Variants in AKAP12 observed in about 807,000 individuals in gnomAD.
AKAP12 encodes A-kinase anchoring protein 12, also known as A-kinase anchor protein 12.
In AKAP12, 32 loss-of-function variants were observed where a neutral mutation model predicts 79.9. That is an observed-to-expected ratio of 0.40 (90% CI 0.30 to 0.54). The LOEUF is 0.54. AKAP12 is among the 20% of genes least tolerant of loss of function. The pLI, the probability that AKAP12 is intolerant of heterozygous loss-of-function variation, is 0.48. For synonymous variants in AKAP12, 808 were observed against 857.0 expected (o/e 0.94, Z 1.00); for missense variants, 2,074 against 2,177.0 (o/e 0.95, Z 0.94).
At position 151,240,577 on chromosome 6, in the gene AKAP12, C is replaced by G. The variant is rs1796951255; in HGVS notation, c.15C>G (p.Ser5Arg). MGAG[S>R]STEQRSPEQP... ...GCGGAGGAGCCATGGGCGCCGGGAG[C>G]TCCACCGAGCAGCGCAGCCCGGAGC... is the stretch of plus-strand genomic sequence containing the variant. The change falls in exon 2 of 5, where the codon AGC (serine) becomes AGG (arginine). Residue 5 changes from serine to arginine, a missense_variant. Transcript: ENST00000402676. 5 of 1,444,838 alleles carry G rather than the reference C, an allele frequency of 3.5e-6. No homozygotes were observed. The East Asian group carries it at 9.1e-5, about 26-fold the overall frequency. The allele number at this position is 1,444,838 out of a possible 1,614,324, so 89.5% of individuals were successfully genotyped here.
At position 151,352,010 on chromosome 6, in the gene AKAP12, G is replaced by C. The variant is rs947437630; in HGVS notation, c.3619G>C (p.Gly1207Arg). ...TGAGGTCGCATCTGGTACCCAGTCA[G>C]GGGGCACAGAAGCAGAGGCAGTTCC... ...ENEVASGTQS[G>R]GTEAEAVPAQ... Residue 1207 changes from glycine (G) to arginine (R), a missense_variant, in exon 4 of 5, where the codon GGG becomes CGG. Physicochemically the swap from Gly to Arg is moderately radical, Grantham distance 125 (BLOSUM62 -2). Transcript: ENST00000402676. The C allele has an allele frequency of 6.2e-7, 1 of 1,613,962 alleles. No homozygotes were observed. Among genetic ancestry groups the C allele is most frequent in the African/African-American group, 1.3e-5 (1 of 74,892 alleles).
Position 151,351,061 on chromosome 6 carries a change from T to C in AKAP12, c.2670T>C (p.His890=). ...AGGAGCTCAGCGAGAGTCAGGTTCATATGATGGCAGCAGCTGTCGCTGACG... is the reference window on the plus strand; with the variant it reads ...AGGAGCTCAGCGAGAGTCAGGTTCACATGATGGCAGCAGCTGTCGCTGACG... ...VSKELSESQV[H]MMAAAVADGT... The change falls in exon 4 of 5, where the codon CAT becomes CAC. Residue 890 remains histidine, a synonymous_variant. Coordinates refer to ENST00000402676, the MANE Select transcript of AKAP12 (RefSeq NM_005100.4). The surrounding 1 kb of genome is among the most constrained non-coding windows in gnomAD (Gnocchi z 4.4). 1 of 1,614,104 alleles carries C rather than the reference T, an allele frequency of 6.2e-7. No individual in the cohort carries two copies. Among genetic ancestry groups the C allele is most frequent in the Non-Finnish European group, 8.5e-7 (1 of 1,180,024 alleles).
At chr6:151,319,036 G>A (rs574612533) in intron 3 of AKAP12, among the ~76,000 whole-genome samples, 1 of 152,196 alleles carries the variant, frequency 6.6e-6, no homozygotes, top group South Asian at 2.1e-4. Context: ...AGTTGCCTAG[G>A]TAAAGAAATA....
rs1200393806 is a variant in AKAP12, at chr6:151,240,613, G to A, written c.51G>A (p.Glu17=). ...AGCGCAGCCCGGAGCAGCCGCCCGA[G>A]GGGAGCTCCACGCCGGCTGAGCCCG... The part of the protein sequence containing the change: ...TEQRSPEQPP[E]GSSTPAEPEP... Residue 17 remains glutamate (E), a synonymous_variant, in exon 2 of 5, where the codon GAG becomes GAA. Coordinates refer to ENST00000402676, the MANE Select transcript of AKAP12 (RefSeq NM_005100.4). 1.4e-6 allele frequency: 2 copies of A among 1,405,320 alleles called. No individual in the cohort carries two copies. Among genetic ancestry groups the A allele is most frequent in the Middle Eastern group, 2.5e-4 (1 of 3,964 alleles). The allele number at this position is 1,405,320 out of a possible 1,614,324, so 87.1% of individuals were successfully genotyped here. A position where few individuals can be genotyped will look rare whatever the true frequency, so the allele number is the denominator to read the frequency against.
chr6:151,275,818 A>T (rs1251961843), intron 2 of AKAP12, among the ~76,000 whole-genome samples: 1 of 152,146 alleles, frequency 6.6e-6, no homozygotes, highest in Non-Finnish European at 1.5e-5. Context: ...TTTCCACTCC[A>T]GTGTGGGATT....
intron 2 of AKAP12, among the ~76,000 whole-genome samples, chr6:151,305,037 C>T (rs68077340): frequency 0.11 from 17,222 of 152,256 alleles, 1,077 homozygotes; most frequent in Middle Eastern, 0.15. Context: ...CTGGCCTTCG[C>T]GCCAAGCGGC....
intron 2 of AKAP12, among the ~76,000 whole-genome samples, chr6:151,282,079 A>G (rs116309260): frequency 0.019 from 2,757 of 148,816 alleles, 38 homozygotes; most frequent in African/African-American, 0.04. Flanking sequence ...TCAGCTGCCC[A>G]TACATCTATT....
intron 3 of AKAP12, among the ~76,000 whole-genome samples, chr6:151,345,967 G>GGA (rs1778093483): frequency 7.0e-6 from 1 of 143,760 alleles, no homozygotes; most frequent in African/African-American, 2.6e-5. Context: ...GAGAGAGAAA[G>GGA]GAGAGACAGT....
At position 151,349,219 on chromosome 6, in the gene AKAP12, A is replaced by G. The variant is rs753153086; in HGVS notation, c.828A>G (p.Glu276=). The change falls in exon 4 of 5, where the codon GAA becomes GAG. Residue 276 remains glutamate, a synonymous_variant. Coordinates refer to ENST00000402676, the MANE Select transcript of AKAP12 (RefSeq NM_005100.4). ...AAGGAGAAGAGAAACAAGAAAAAGAACCTAGCAAGTCTGCAGAATCTCCGA... is the reference window on the plus strand; with the variant it reads ...AAGGAGAAGAGAAACAAGAAAAAGAGCCTAGCAAGTCTGCAGAATCTCCGA... ...KEEGEEKQEK[E]PSKSAESPTS... 6 of 1,613,818 alleles carry G rather than the reference A, an allele frequency of 3.7e-6. No individual in the cohort carries two copies. Among genetic ancestry groups the G allele is most frequent in the Non-Finnish European group, 5.1e-6 (6 of 1,180,018 alleles).
Position 151,253,522 on chromosome 6 carries a change from G to A in AKAP12, c.162+12798G>A, listed in dbSNP as rs567517808. 8.5e-4 allele frequency among the ~76,000 whole-genome samples: 129 copies of A among 152,048 alleles called. 1 individual carries two copies. Among genetic ancestry groups the A allele is most frequent in the African/African-American group, 2.6e-3 (108 of 41,486 alleles). Reference sequence around the variant, plus strand: ...ATTACAGGCATGAGCCACTGCACCCGGCCAAAACAGTCTTATTCAACATCA... The same window carrying A: ...ATTACAGGCATGAGCCACTGCACCCAGCCAAAACAGTCTTATTCAACATCA... On this transcript the variant is annotated intron_variant, in intron 2 of 4. Transcript: ENST00000402676.
chr6:151,327,024 C>T (rs2114787793), intron 3 of AKAP12, among the ~76,000 whole-genome samples: 1 of 151,956 alleles, frequency 6.6e-6, no homozygotes, highest in South Asian at 2.1e-4. Context: ...ACCAAGTTGG[C>T]CAGGATGGTC....
chr6:151,259,579 C>CTTTTTT (rs35514304), intron 2 of AKAP12, among the ~76,000 whole-genome samples: 1 of 102,832 alleles, frequency 9.7e-6, no homozygotes, highest in Non-Finnish European at 1.8e-5. Context: ...CCTTTTTTTC[C>CTTTTTT]TTTTTTTTTT....
chr6:151,350,133 A>C lies in AKAP12; in HGVS notation c.1742A>C (p.Lys581Thr). The C allele has an allele frequency of 6.2e-7, 1 of 1,613,984 alleles. No individual in the cohort carries two copies. Among genetic ancestry groups the C allele is most frequent in the African/African-American group, 1.3e-5 (1 of 75,000 alleles). Residue 581 changes from lysine to threonine, a missense_variant, in exon 4 of 5, where the codon AAG (lysine) becomes ACG (threonine). Coordinates refer to ENST00000402676, the MANE Select transcript of AKAP12 (RefSeq NM_005100.4). This position sits in a 1 kb window ranked among gnomAD's most constrained non-coding sequence, Gnocchi z 4.8. ...EEPEEITCLE[K>T]GLAEVQQDGE... Reference sequence around the variant, plus strand: ...CCCGAGGAGATCACGTGTCTGGAAAAGGGCTTAGCCGAGGTGCAGCAGGAT... The same window carrying C: ...CCCGAGGAGATCACGTGTCTGGAAACGGGCTTAGCCGAGGTGCAGCAGGAT...
rs1425211487 is a variant in AKAP12 at position 151,240,473 on chromosome 6, G to A, written c.-90G>A. On this transcript the variant is annotated 5_prime_UTR_variant, in exon 2 of 5. Transcript: ENST00000402676. ...AAGGAAGGCGCTCTCGGGACCTCGC[G>A]GGCGCGCGTCTTTTGGCTCTTGCCC... 3 of 1,296,148 alleles carry A rather than the reference G, an allele frequency of 2.3e-6. No individual in the cohort carries two copies. Among genetic ancestry groups the A allele is most frequent in the Admixed American group, 4.2e-5 (1 of 24,078 alleles). The allele number at this position is 1,296,148 out of a possible 1,614,324, so 80.3% of individuals were successfully genotyped here. A position where few individuals can be genotyped will look rare whatever the true frequency, so the allele number is the denominator to read the frequency against.
chr6:151,292,302 T>C (rs1776638667), intron 2 of AKAP12, among the ~76,000 whole-genome samples: 1 of 152,252 alleles, frequency 6.6e-6, no homozygotes, highest in Admixed American at 6.5e-5. Flanking sequence ...AGCATGGACT[T>C]AGAATTGAAG....
chr6:151,246,779 TGA>T (rs1281560385), intron 2 of AKAP12, among the ~76,000 whole-genome samples: 1 of 152,190 alleles, frequency 6.6e-6, no homozygotes, highest in Non-Finnish European at 1.5e-5. Flanking sequence ...TTATTGTTTT[TGA>T]GATAGGCTCT....
Position 151,349,828 on chromosome 6 carries a change from A to T in AKAP12, c.1437A>T (p.Gly479=). 6.2e-7 allele frequency: 1 copy of T among 1,614,164 alleles called. No individual in the cohort carries two copies. The highest frequency in any genetic ancestry group is 8.5e-7 in the Non-Finnish European group (1 of 1,180,030). ...TCVSGEDPTQ[G]ADLSPDEKVL... The stretch of plus-strand genomic sequence containing the variant: ...TTTCCGGAGAGGACCCTACACAGGG[A>T]GCTGACCTCAGTCCTGATGAGAAGG... The change falls in exon 4 of 5, where the codon GGA becomes GGT. Residue 479 remains glycine, a synonymous_variant. Transcript: ENST00000402676.
At chr6:151,244,570 C>T (rs1367397191) in intron 2 of AKAP12, among the ~76,000 whole-genome samples, 4 of 152,138 alleles carry the variant, frequency 2.6e-5, no homozygotes, top group African/African-American at 9.7e-5. Flanking sequence ...TTGAGGCGGC[C>T]AGCTGCATTT....
At chr6:151,288,818 G>A (rs1009260571) in intron 2 of AKAP12, among the ~76,000 whole-genome samples, 2 of 152,182 alleles carry the variant, frequency 1.3e-5, no homozygotes, top group African/African-American at 4.8e-5. Flanking sequence ...TTTGGGGAAC[G>A]AGGCCTGGTC....
Sources: allele counts gnomAD v4.1 joint callset (sites outside exome capture counted in the v4.1 genomes callset), GRCh38; gene constraint gnomAD v4.1.1; non-coding constraint Gnocchi (gnomAD v3.1); transcripts MANE v1.5; gene names NCBI Gene and HGNC (gene_info 2026-07-23, HGNC 2026-07-21).